TATDN2: variants seen among roughly 807,000 people sequenced by gnomAD.
TATDN2 encodes the protein TatD DNase domain containing 2, also known as 3'-5' RNA nuclease TATDN2.
Under a neutral mutation model 60.3 loss-of-function variants are expected in TATDN2, and 44 were observed. That is an observed-to-expected ratio of 0.73 (90% CI 0.57 to 0.94). The LOEUF (loss-of-function observed/expected upper bound fraction) is 0.94. Ranked by LOEUF, TATDN2 falls within the 40% of genes least tolerant of loss-of-function variation. TATDN2 has a pLI of 0.00. For missense variants in TATDN2, 997 were observed against 948.0 expected, an observed-to-expected ratio of 1.05 and a Z score of -0.68; for synonymous variants, 399 against 355.8, an observed-to-expected ratio of 1.12 and a Z score of -1.37.
In TATDN2 at chr3:10,270,281, T is replaced by G; in HGVS notation, c.1099T>G (p.Tyr367Asp). ...GGAGCCTTCTTCCTTCACCACCGAC[T>G]ATGTCATGTACCCTCCTCATTTGTA... is the stretch of plus-strand genomic sequence containing the variant. The part of the protein sequence containing the change: ...VPEPSSFTTD[Y>D]VMYPPHLYSS... The change falls in exon 4 of 8, where the codon TAT (tyrosine) becomes GAT (aspartate). Residue 367 changes from tyrosine (Y) to aspartate (D), a missense_variant. By Grantham distance (160) the Tyr-to-Asp change is radical (BLOSUM62 -3). Transcript: ENST00000448281. The G allele has an allele frequency of 6.2e-7, 1 of 1,614,186 alleles. No homozygotes were observed. Among genetic ancestry groups the G allele is most frequent in the South Asian group, 1.1e-5 (1 of 91,082 alleles).
chr3:10,276,627 C>T (rs531347915), intron 5 of TATDN2, 139 bp downstream of exon 5: 406 of 1,255,568 alleles, frequency 3.2e-4, no homozygotes, highest in Non-Finnish European at 3.9e-4. Flanking sequence ...CTCACCCTGT[C>T]GCCCAGGCTG....
intron 2 of TATDN2, among the ~76,000 whole-genome samples, chr3:10,257,612 C>CAAAAAAAAA (rs919342302): frequency 1.8e-5 from 2 of 108,282 alleles, no homozygotes; most frequent in South Asian, 3.4e-4. Context: ...AAAAAAAAAA[C>CAAAAAAAAA]AAAAAAAAAA....
At chr3:10,271,232 T>G (rs1390421318) in intron 4 of TATDN2, among the ~76,000 whole-genome samples, 1 of 152,240 alleles carries the variant, frequency 6.6e-6, no homozygotes, top group Non-Finnish European at 1.5e-5. Context: ...GAGGGAGAAG[T>G]ACTTTGTGAC....
chr3:10,270,262 T>G lies in TATDN2; in HGVS notation c.1080T>G (p.Pro360=). The G allele has an allele frequency of 1.2e-6, 2 of 1,614,178 alleles. No individual in the cohort carries two copies. The highest frequency in any genetic ancestry group is 1.7e-6 in the Non-Finnish European group (2 of 1,180,034). Residue 360 remains proline (P), a synonymous_variant, in exon 4 of 8, where the codon CCT becomes CCG. Coordinates refer to ENST00000448281, the MANE Select transcript of TATDN2 (RefSeq NM_014760.4). ...VSLKPSAVPE[P]SSFTTDYVMY... ...TGAAACCTTCAGCCGTTCCGGAGCCTTCTTCCTTCACCACCGACTATGTCA... is the reference window on the plus strand; with the variant it reads ...TGAAACCTTCAGCCGTTCCGGAGCCGTCTTCCTTCACCACCGACTATGTCA...
At position 10,267,722 on chromosome 3, in the gene TATDN2, C is replaced by T. The variant is rs547295302; in HGVS notation, c.949-2409C>T. Among the ~76,000 whole-genome samples, 12 of 152,248 alleles carry T rather than the reference C, an allele frequency of 7.9e-5. No homozygotes were observed. In the South Asian group the frequency reaches 1.9e-3, roughly 24 times the overall value. ...ATATCACATTGAGGCAGTCTGTTTC[C>T]GTTTTTCCTCGAGGTGTGTTTTTGG... On this transcript the variant is annotated intron_variant, in intron 3 of 7. Transcript: ENST00000448281.
intron 2 of TATDN2, among the ~76,000 whole-genome samples, chr3:10,259,103 C>T (rs1698359184): frequency 6.6e-6 from 1 of 152,122 alleles, no homozygotes. Context: ...AACTCCTGAG[C>T]CTAAGTGATC....
At chr3:10,254,591 G>A (rs997135885) in intron 2 of TATDN2, among the ~76,000 whole-genome samples, 9 of 152,154 alleles carry the variant, frequency 5.9e-5, no homozygotes, top group Non-Finnish European at 1.2e-4. Context: ...GTGGAGCCCT[G>A]GAAGGGTTCT....
At chr3:10,257,841 ATTTTTT>A (rs553265148) in intron 2 of TATDN2, among the ~76,000 whole-genome samples, 129 of 30,292 alleles carry the variant, frequency 4.3e-3, no homozygotes, top group African/African-American at 6.3e-3. Flanking sequence ...AAGGTTTATG[ATTTTTT>A]TTTTTTTTTT....
intron 2 of TATDN2, among the ~76,000 whole-genome samples, chr3:10,258,640 T>A (rs1698351920): frequency 6.6e-6 from 1 of 152,024 alleles, no homozygotes; most frequent in Admixed American, 6.6e-5. Context: ...GGCTTAAGTT[T>A]TGTATTTTCA....
chr3:10,265,598 C>T (rs1698465495), intron 3 of TATDN2, among the ~76,000 whole-genome samples: 1 of 140,694 alleles, frequency 7.1e-6, no homozygotes, highest in South Asian at 2.4e-4. Context: ...AGGATAATGG[C>T]GTGAACCTGA....
chr3:10,270,420 G>A lies in TATDN2; in HGVS notation c.1238G>A (p.Arg413Gln), dbSNP rs774435888. The A allele has an allele frequency of 2.8e-5, 45 of 1,614,042 alleles. No individual in the cohort carries two copies. The Middle Eastern group carries it at 3.0e-3, about 106-fold the overall frequency. Residue 413 changes from arginine (R) to glutamine (Q), a missense_variant, in exon 4 of 8, where the codon CGG becomes CAG. Transcript: ENST00000448281. ...NDAAQVGKSS[R>Q]SRMSDYSPNS... Reference sequence around the variant, plus strand: ...GCAGCCCAGGTTGGGAAGAGCAGCCGGAGCCGCATGAGTGATTATTCCCCC... The same window carrying A: ...GCAGCCCAGGTTGGGAAGAGCAGCCAGAGCCGCATGAGTGATTATTCCCCC...
At chr3:10,275,434 A>G (rs1310613525) in intron 4 of TATDN2, among the ~76,000 whole-genome samples, 1 of 152,200 alleles carries the variant, frequency 6.6e-6, no homozygotes, top group African/African-American at 2.4e-5. Flanking sequence ...CTGCGAGGAT[A>G]CGCGATTTTG....
At chr3:10,252,925 C>T (rs967206132) in intron 2 of TATDN2, among the ~76,000 whole-genome samples, 3 of 146,998 alleles carry the variant, frequency 2.0e-5, no homozygotes, top group South Asian at 2.1e-4. Flanking sequence ...GGTGCAATCT[C>T]GGCTCACTGC....
At position 10,279,015 on chromosome 3, in the gene TATDN2, A is replaced by G; in HGVS notation, c.2276A>G (p.Tyr759Cys). 6.2e-7 allele frequency: 1 copy of G among 1,614,244 alleles called. No homozygotes were observed. Among genetic ancestry groups the G allele is most frequent in the South Asian group, 1.1e-5 (1 of 91,080 alleles). Residue 759 changes from tyrosine (Y) to cysteine (C), a missense_variant, in exon 7 of 8, where the codon TAC (tyrosine) becomes TGC (cysteine). Physicochemically the swap from Tyr to Cys is radical, Grantham distance 194. Coordinates refer to ENST00000448281, the MANE Select transcript of TATDN2 (RefSeq NM_014760.4). ...AALRENTSRL[Y>C]SL The stretch of plus-strand genomic sequence containing the variant: ...TTGCGTGAGAACACCAGTCGCCTCT[A>G]CAGTCTTTAAGCAGAGAAGGTACAG...
intron 2 of TATDN2, among the ~76,000 whole-genome samples, chr3:10,249,953 T>G (rs1313282041): frequency 6.6e-6 from 1 of 152,186 alleles, no homozygotes; most frequent in African/African-American, 2.4e-5. Flanking sequence ...CCCAGGTTAT[T>G]GTAAACGTGC....
In TATDN2 at chr3:10,266,603, A is replaced by G. The variant is rs891645997; in HGVS notation, c.949-3528A>G. On this transcript the variant is annotated intron_variant, in intron 3 of 7. Coordinates refer to ENST00000448281, the MANE Select transcript of TATDN2 (RefSeq NM_014760.4). ...TTGTAAAAAGCTAATACAGGGTCAG[A>G]TGCATTTTTGGGTTTACAGCCTCTG... 3.3e-5 allele frequency among the ~76,000 whole-genome samples: 5 copies of G among 152,348 alleles called. No individual in the cohort carries two copies. In the East Asian group the frequency reaches 7.7e-4, roughly 23 times the overall value.
At chr3:10,257,612 C>CAAAAAAAAAAAAAAAA (rs919342302) in intron 2 of TATDN2, among the ~76,000 whole-genome samples, 1 of 108,286 alleles carries the variant, frequency 9.2e-6, no homozygotes, top group African/African-American at 3.5e-5. Context: ...AAAAAAAAAA[C>CAAAAAAAAAAAAAAAA]AAAAAAAAAA....
At chr3:10,257,860 T>TTTTTTTTTTTTTTTTTG in intron 2 of TATDN2, among the ~76,000 whole-genome samples, 1 of 94,880 alleles carries the variant, frequency 1.1e-5, no homozygotes, top group Non-Finnish European at 2.0e-5. Flanking sequence ...TTTTTTTTTT[T>TTTTTTTTTTTTTTTTTG]TTTTTTTTTT....
Position 10,279,064 on chromosome 3 carries a change from G to T in TATDN2, c.*38+1G>T. 1 of 1,591,732 alleles carries T rather than the reference G, an allele frequency of 6.3e-7. No individual in the cohort carries two copies. Among genetic ancestry groups the T allele is most frequent in the Non-Finnish European group, 8.5e-7 (1 of 1,171,854 alleles). The stretch of plus-strand genomic sequence containing the variant: ...AGTCCTCGGGAGTCTCCTAGAAAAG[G>T]TCGTAAAACTCACATTCTGTATTTT... On this transcript the variant is annotated splice_donor_variant, in intron 7 of 7. Coordinates refer to ENST00000448281, the MANE Select transcript of TATDN2 (RefSeq NM_014760.4). LOFTEE classifies it low-confidence loss of function (3UTR_SPLICE).
Sources: allele counts gnomAD v4.1 joint callset (sites outside exome capture counted in the v4.1 genomes callset), GRCh38; gene constraint gnomAD v4.1.1; transcripts MANE v1.5; gene names NCBI Gene and HGNC (gene_info 2026-07-23, HGNC 2026-07-21).